BCKDK: variants seen among roughly 807,000 people sequenced by gnomAD.
BCKDK encodes branched-chain alpha-ketoacid dehydrogenase kinase.
BCKDK carries 28 observed loss-of-function variants against 43.9 expected under a neutral mutation model. That is an observed-to-expected ratio of 0.64 (90% confidence interval 0.47 to 0.87). The LOEUF (loss-of-function observed/expected upper bound fraction) is 0.87. Ranked by LOEUF, BCKDK falls within the 40% of genes least tolerant of loss-of-function variation. The pLI, the probability that BCKDK is intolerant of heterozygous loss-of-function variation, is 0.00. For missense variants in BCKDK, 483 were observed against 581.4 expected, an observed-to-expected ratio of 0.83 and a Z score of 1.74; for synonymous variants, 257 against 234.3, an observed-to-expected ratio of 1.10 and a Z score of -0.88.
chr16:31,116,803 G>A (rs2057449164), downstream of BCKDK, among the ~76,000 whole-genome samples: 1 of 151,690 alleles, frequency 6.6e-6, no homozygotes, highest in African/African-American at 2.4e-5. Context: ...TGTAATCCCA[G>A]CTATTCAGGA....
Position 31,109,760 on chromosome 16 carries a change from T to C in BCKDK, c.352T>C (p.Cys118Arg). Residue 118 changes from cysteine (C) to arginine (R), a missense_variant, in exon 4 of 12, where the codon TGC becomes CGC. Transcript: ENST00000219794. This position sits in a 1 kb window ranked among gnomAD's most constrained non-coding sequence, Gnocchi z 5.3. Reference protein sequence around the residue: ...GFRCLPFIIGCNPTILHVHEL... With the variant: ...GFRCLPFIIGRNPTILHVHEL... ...CCGCTGCCTTCCTTTCATCATTGGCTGCAACCCCACCATACTGCACGTGGT... is the reference window on the plus strand; with the variant it reads ...CCGCTGCCTTCCTTTCATCATTGGCCGCAACCCCACCATACTGCACGTGGT... 1 of 1,613,860 alleles carries C rather than the reference T, an allele frequency of 6.2e-7. No individual in the cohort carries two copies. The highest frequency in any genetic ancestry group is 8.5e-7 in the Non-Finnish European group (1 of 1,180,000).
In BCKDK at chr16:31,110,087, ATATCCGTGCCT is replaced by A; in HGVS notation, c.388_398del (p.Ile130ProfsTer28). 1.2e-6 allele frequency: 2 copies of A among 1,614,150 alleles called. No individual in the cohort carries two copies. The highest frequency in any genetic ancestry group is 1.7e-6 in the Non-Finnish European group (2 of 1,180,026). On this transcript the variant is annotated frameshift_variant, in exon 5 of 12. Transcript: ENST00000219794. LOFTEE classifies it high-confidence loss of function. The surrounding 1 kb of genome is among the most constrained non-coding windows in gnomAD (Gnocchi z 5.4). The stretch of plus-strand genomic sequence containing the variant: ...ACCTCTTCCTTGCAGCATGAGCTAT[ATATCCGTGCCT>A]TCCAGAAGCTGACAGACTTCCCTCC...
rs1260238797 is a variant in BCKDK at position 31,112,360 on chromosome 16, T to G, written c.*95T>G. On this transcript the variant is annotated 3_prime_UTR_variant, in exon 12 of 12. Coordinates refer to ENST00000219794, the MANE Select transcript of BCKDK (RefSeq NM_005881.4). The surrounding 1 kb of genome is among the most constrained non-coding windows in gnomAD (Gnocchi z 5.0). ...CAGGGCGGCCCCCTGCTCCACACACTGCTGCATCTTGGGTCTCAGGGACCC... is the reference window on the plus strand; with the variant it reads ...CAGGGCGGCCCCCTGCTCCACACACGGCTGCATCTTGGGTCTCAGGGACCC... 2 of 1,563,732 alleles carry G rather than the reference T, an allele frequency of 1.3e-6. No homozygotes were observed. Among genetic ancestry groups the G allele is most frequent in the African/African-American group, 2.7e-5 (2 of 74,110 alleles).
At chr16:31,116,125 C>T (rs1420740760), downstream of BCKDK, among the ~76,000 whole-genome samples, 1 of 150,124 alleles carries the variant, frequency 6.7e-6, no homozygotes, top group African/African-American at 2.5e-5. Flanking sequence ...ATCGTGTTAG[C>T]CAGAATAGTC....
At chr16:31,111,723 T>C in intron 10 of BCKDK, 146 bp from the exon 11 acceptor site, 4 of 1,081,332 alleles carry the variant, frequency 3.7e-6, no homozygotes, top group Non-Finnish European at 5.4e-6. Context: ...GTGAGGATGA[T>C]ATAAACAAGG....
downstream of BCKDK, chr16:31,117,496 G>C (rs1408568898): frequency 2.3e-6 from 1 of 432,768 alleles, no homozygotes; most frequent in Admixed American, 4.4e-5. Context: ...AAAACCAGGA[G>C]CTCCAAGACT....
chr16:31,109,692 A>T lies in BCKDK; in HGVS notation c.284A>T (p.Gln95Leu). The change falls in exon 4 of 12, where the codon CAG becomes CTG. Residue 95 changes from glutamine (Q) to leucine (L), a missense_variant. Transcript: ENST00000219794. The surrounding 1 kb of genome is among the most constrained non-coding windows in gnomAD (Gnocchi z 5.3). ...TCCCAGAAAAGTGCTCGGTACCTGC[A>T]GCAAGAACTTCCAGTGAGGATTGCT... is the stretch of plus-strand genomic sequence containing the variant. ...SHLLKSARYL[Q>L]QELPVRIAHR... The T allele has an allele frequency of 6.2e-7, 1 of 1,614,070 alleles. No homozygotes were observed. The highest frequency in any genetic ancestry group is 8.5e-7 in the Non-Finnish European group (1 of 1,180,032).
At chr16:31,115,847 C>T (rs1347171344), downstream of BCKDK, 4 of 152,146 alleles carry the variant, frequency 2.6e-5, no homozygotes, top group South Asian at 2.1e-4. Flanking sequence ...ATTTTCAACC[C>T]GCTCTTCGTT....
rs1251662731 is a variant in BCKDK at position 31,110,868 on chromosome 16, A to G, written c.716+107A>G. 18 of 1,432,932 alleles carry G rather than the reference A, an allele frequency of 1.3e-5. No individual in the cohort carries two copies. Among genetic ancestry groups the G allele is most frequent in the African/African-American group, 2.8e-5 (2 of 70,968 alleles). The allele number at this position is 1,432,932 out of a possible 1,614,324, so 88.8% of individuals were successfully genotyped here. A position where few individuals can be genotyped will look rare whatever the true frequency, so the allele number is the denominator to read the frequency against. On this transcript the variant is annotated intron_variant, in intron 8 of 11. Transcript: ENST00000219794. This position sits in a 1 kb window ranked among gnomAD's most constrained non-coding sequence, Gnocchi z 5.4. ...CTGCGGGGAGCAGGGTTTCTCAACCATGGCACTATTGACATTTCCAGCCAG... is the reference window on the plus strand; with the variant it reads ...CTGCGGGGAGCAGGGTTTCTCAACCGTGGCACTATTGACATTTCCAGCCAG...
At chr16:31,113,625 G>A (rs2057429960), downstream of BCKDK, among the ~76,000 whole-genome samples, 1 of 152,144 alleles carries the variant, frequency 6.6e-6, no homozygotes, top group South Asian at 2.1e-4. Flanking sequence ...CATCATGCCA[G>A]GCTAAATTTT....
rs746683923 is a variant in BCKDK at position 31,109,829 on chromosome 16, G to T, written c.375+46G>T. The T allele has an allele frequency of 6.3e-7, 1 of 1,585,700 alleles. No homozygotes were observed. Among genetic ancestry groups the T allele is most frequent in the South Asian group, 1.1e-5 (1 of 90,318 alleles). On this transcript the variant is annotated intron_variant, in intron 4 of 11. Transcript: ENST00000219794. The surrounding 1 kb of genome is among the most constrained non-coding windows in gnomAD (Gnocchi z 5.3). ...GGTCAGCGGGCCACCCTGCCCCGGG[G>T]GCAAGTGGGGAGTCTGGGGCCCAGA...
rs2057395877 is a variant in BCKDK, at chr16:31,109,848, G to T, written c.375+65G>T. 3 of 1,536,720 alleles carry T rather than the reference G, an allele frequency of 2.0e-6. No individual in the cohort carries two copies. Among genetic ancestry groups the T allele is most frequent in the Non-Finnish European group, 2.7e-6 (3 of 1,112,304 alleles). The stretch of plus-strand genomic sequence containing the variant: ...CCCGGGGGCAAGTGGGGAGTCTGGG[G>T]CCCAGAGTGGCAGACGATTGCTTGC... On this transcript the variant is annotated intron_variant, in intron 4 of 11. Transcript: ENST00000219794. This position sits in a 1 kb window ranked among gnomAD's most constrained non-coding sequence, Gnocchi z 5.3.
chr16:31,117,107 C>G (rs907135933), downstream of BCKDK, among the ~76,000 whole-genome samples: 4 of 152,210 alleles, frequency 2.6e-5, no homozygotes, highest in Non-Finnish European at 5.9e-5. Flanking sequence ...CACGGTGGCT[C>G]ACGCCTATAA....
In BCKDK at chr16:31,112,543, A is replaced by AT. The variant is rs1158193683; in HGVS notation, c.*280dup. On this transcript the variant is annotated 3_prime_UTR_variant, in exon 12 of 12. Transcript: ENST00000219794. The surrounding 1 kb of genome is among the most constrained non-coding windows in gnomAD (Gnocchi z 5.0). Reference sequence around the variant, plus strand: ...TGGGGAACCCCCACTCTGACCTGTTATTAAAGTTCACATTTTGAATGCCCT... The same window carrying AT: ...TGGGGAACCCCCACTCTGACCTGTTATTTAAAGTTCACATTTTGAATGCCCT... 1.8e-6 allele frequency: 1 copy of AT among 564,880 alleles called. No homozygotes were observed. The highest frequency in any genetic ancestry group is 3.2e-6 in the Non-Finnish European group (1 of 314,234). The allele number at this position is 564,880 out of a possible 1,614,324, so 35.0% of individuals were successfully genotyped here. A position where few individuals can be genotyped will look rare whatever the true frequency, so the allele number is the denominator to read the frequency against.
downstream of BCKDK, chr16:31,117,475 G>A: frequency 2.4e-6 from 1 of 410,910 alleles, no homozygotes; most frequent in Non-Finnish European, 4.3e-6. Context: ...TGCAGCCACA[G>A]GTCCGCACGG....
At chr16:31,114,283 C>A (rs12923187), downstream of BCKDK, among the ~76,000 whole-genome samples, 1 of 97,004 alleles carries the variant, frequency 1.0e-5, no homozygotes, top group East Asian at 2.0e-4. Flanking sequence ...ACTGCAACCT[C>A]CGCCCCACCC....
intron 10 of BCKDK, 58 bp downstream of exon 10, chr16:31,111,447 T>C: frequency 6.4e-7 from 1 of 1,568,200 alleles, no homozygotes. Context: ...AGGCACTGTT[T>C]CTGACTTGAT....
chr16:31,114,848 G>C (rs2057437609), downstream of BCKDK, among the ~76,000 whole-genome samples: 1 of 152,208 alleles, frequency 6.6e-6, no homozygotes, highest in South Asian at 2.1e-4. Context: ...TATGAAGTCA[G>C]CTCTTCAGAT....
In BCKDK at chr16:31,110,265, C is replaced by T; in HGVS notation, c.484C>T (p.His162Tyr). The change falls in exon 6 of 12, where the codon CAC becomes TAC. Residue 162 changes from histidine (H) to tyrosine (Y), a missense_variant. Physicochemically the swap from His to Tyr is moderately conservative, Grantham distance 83 (BLOSUM62 2). Coordinates refer to ENST00000219794, the MANE Select transcript of BCKDK (RefSeq NM_005881.4). This position sits in a 1 kb window ranked among gnomAD's most constrained non-coding sequence, Gnocchi z 5.4. ...GCTGGTGCGACAGCTGCTGGATGAC[C>T]ACAAGGATGTGGTGACCCTCTTGGC... ...CQLVRQLLDD[H>Y]KDVVTLLAEG... The T allele has an allele frequency of 6.2e-7, 1 of 1,614,014 alleles. No individual in the cohort carries two copies. The highest frequency in any genetic ancestry group is 8.5e-7 in the Non-Finnish European group (1 of 1,180,022).
Sources: gnomAD v4.1 joint callset for allele counts (sites outside exome capture counted in the v4.1 genomes callset) on GRCh38, gnomAD v4.1.1 for gene constraint, Gnocchi (gnomAD v3.1) non-coding constraint, MANE v1.5 for transcripts, NCBI Gene and HGNC (gene_info 2026-07-23, HGNC 2026-07-21) for gene names.